USO1: variants seen among roughly 807,000 people sequenced by gnomAD.
USO1 encodes the protein USO1 vesicle transport factor.
USO1 carries 57 observed loss-of-function variants against 124.5 expected under a neutral mutation model. The observed-to-expected ratio is 0.46, with a 90% CI of 0.37 to 0.57. The LOEUF (loss-of-function observed/expected upper bound fraction) is 0.57, where lower values mean the gene tolerates loss of function less well. USO1 is among the 20% of genes least tolerant of loss of function. USO1 has a pLI of 0.00. For synonymous variants in USO1, 369 were observed against 362.8 expected (o/e 1.02, Z -0.19); for missense variants, 900 against 1,040.6 (o/e 0.86, Z 1.86).
chr4:75,761,187 C>T (rs1372834045), intron 4 of USO1, among the ~76,000 whole-genome samples: 1 of 152,026 alleles, frequency 6.6e-6, no homozygotes, highest in Non-Finnish European at 1.5e-5. Context: ...AGCTTTTTCT[C>T]TGGTAGGACA....
intron 7 of USO1, among the ~76,000 whole-genome samples, chr4:75,772,784 A>T (rs988321371): frequency 2.0e-5 from 3 of 152,128 alleles, no homozygotes; most frequent in Non-Finnish European, 4.4e-5. Flanking sequence ...TTTCAGATAT[A>T]AAAGTGCTCT....
At position 75,724,599 on chromosome 4, in the gene USO1, G is replaced by C. The variant is rs778401303; in HGVS notation, c.-221G>C. On this transcript the variant is annotated 5_prime_UTR_variant, in exon 1 of 24. Transcript: ENST00000514213. Reference sequence around the variant, plus strand: ...CTCCCCTTTTGCCTTCAACCTTCGAGCCGCCACGTAATGCCACGTCCCCGC... The same window carrying C: ...CTCCCCTTTTGCCTTCAACCTTCGACCCGCCACGTAATGCCACGTCCCCGC... The C allele has an allele frequency of 1.2e-5, 7 of 564,306 alleles. No homozygotes were observed. Among genetic ancestry groups the C allele is most frequent in the Non-Finnish European group, 2.2e-5 (7 of 316,696 alleles). 35.0% of individuals were successfully genotyped at this position (564,306 alleles called of 1,614,324 possible). A position where few individuals can be genotyped will look rare whatever the true frequency, so the allele number is the denominator to read the frequency against.
At chr4:75,781,323 A>G (rs910482711) in intron 8 of USO1, among the ~76,000 whole-genome samples, 2 of 152,178 alleles carry the variant, frequency 1.3e-5, no homozygotes, top group African/African-American at 4.8e-5. Context: ...TGGATGAGCA[A>G]AGAAGGTGGT....
At chr4:75,807,287 G>A (rs957169259) in intron 20 of USO1, among the ~76,000 whole-genome samples, 2 of 151,830 alleles carry the variant, frequency 1.3e-5, no homozygotes, top group Non-Finnish European at 2.9e-5. Context: ...CAGGTTCTGG[G>A]GTTGTTTTTC....
At chr4:75,790,077 T>C in intron 10 of USO1, 73 bp from the exon 11 acceptor site, 3 of 1,423,154 alleles carry the variant, frequency 2.1e-6, no homozygotes, top group Non-Finnish European at 2.8e-6. Flanking sequence ...AAAGATTTTT[T>C]TTCTATTGAA....
At chr4:75,762,164 C>CTTTTT (rs375866579) in intron 4 of USO1, among the ~76,000 whole-genome samples, 7 of 70,158 alleles carry the variant, frequency 1.0e-4, no homozygotes, top group Admixed American at 4.0e-4. Context: ...AACAATTTTA[C>CTTTTT]TTTTTTTTTT....
intron 4 of USO1, among the ~76,000 whole-genome samples, chr4:75,759,418 AC>A (rs1721537274): frequency 6.6e-6 from 1 of 151,118 alleles, no homozygotes; most frequent in Admixed American, 6.6e-5. Flanking sequence ...ACATGGTGAA[AC>A]CTTGTCTTTA....
chr4:75,781,756 T>G (rs1380080110), intron 8 of USO1, among the ~76,000 whole-genome samples: 2 of 103,002 alleles, frequency 1.9e-5, no homozygotes, highest in East Asian at 1.2e-3. Flanking sequence ...AAATGATGTC[T>G]TTTTAAAAAA....
chr4:75,765,278 C>A (rs1477699111), intron 4 of USO1, among the ~76,000 whole-genome samples: 5 of 152,070 alleles, frequency 3.3e-5, no homozygotes, highest in Non-Finnish European at 7.4e-5. Context: ...CATGCATTCC[C>A]AATGGGCCCT....
intron 1 of USO1, among the ~76,000 whole-genome samples, chr4:75,750,876 CA>C (rs1454089096): frequency 1.3e-5 from 2 of 152,186 alleles, no homozygotes; most frequent in Non-Finnish European, 2.9e-5. Context: ...AGAAGTTTTA[CA>C]GTTTTAGGTT....
At chr4:75,748,277 C>T (rs1012468731) in intron 1 of USO1, among the ~76,000 whole-genome samples, 30 of 149,248 alleles carry the variant, frequency 2.0e-4, no homozygotes, top group African/African-American at 7.1e-4. Flanking sequence ...CAACCTCCAC[C>T]TCCCAGGCTC....
intron 9 of USO1, among the ~76,000 whole-genome samples, chr4:75,786,021 A>G (rs985745289): frequency 1.3e-5 from 2 of 152,190 alleles, no homozygotes; most frequent in African/African-American, 2.4e-5. Flanking sequence ...TAAGCCAGAC[A>G]TGGAAACATC....
intron 4 of USO1, among the ~76,000 whole-genome samples, chr4:75,765,637 C>CT (rs11385399): frequency 0.88 from 127,951 of 144,898 alleles, 56,471 homozygotes; most frequent in African/African-American, 0.93. Context: ...GGTACCAGTT[C>CT]TTTTTTTTTT....
At chr4:75,793,222 T>G (rs1392590552) in intron 12 of USO1, among the ~76,000 whole-genome samples, 4 of 146,940 alleles carry the variant, frequency 2.7e-5, no homozygotes, top group Non-Finnish European at 4.5e-5. Context: ...TTTTTTTTTT[T>G]TTTTTTGAAG....
At chr4:75,800,529 T>TTTC in intron 15 of USO1, 60 bp downstream of exon 15, 1 of 1,524,308 alleles carries the variant, frequency 6.6e-7, no homozygotes, top group Non-Finnish European at 8.8e-7. Context: ...TTTTTTTTTT[T>TTTC]TTTTGCCAAA....
At chr4:75,758,009 T>A (rs1178924534) in intron 4 of USO1, among the ~76,000 whole-genome samples, 2 of 152,168 alleles carry the variant, frequency 1.3e-5, no homozygotes, top group Non-Finnish European at 2.9e-5. Context: ...CAACAATTTT[T>A]TAAATTTAGA....
In USO1 at chr4:75,794,479, T is replaced by A. The variant is rs75895667; in HGVS notation, c.1452+578T>A. Among the ~76,000 whole-genome samples the A allele has an allele frequency of 6.1e-3, 926 of 152,356 alleles. 3 individuals are homozygous for A. The highest frequency in any genetic ancestry group is 0.021 in the African/African-American group (880 of 41,574). ...ACTCCTAATGAGAACAACAAAGCTTTATTGAAGTGTAGTTGCTAGGCATTT... is the reference window on the plus strand; with the variant it reads ...ACTCCTAATGAGAACAACAAAGCTTAATTGAAGTGTAGTTGCTAGGCATTT... On this transcript the variant is annotated intron_variant, in intron 13 of 23. Coordinates refer to ENST00000514213, the MANE Select transcript of USO1 (RefSeq NM_003715.4).
At chr4:75,724,935 G>T (rs528710088) in intron 1 of USO1, 50 bp downstream of exon 1, 19 of 1,601,828 alleles carry the variant, frequency 1.2e-5, no homozygotes, top group Non-Finnish European at 1.6e-5. Context: ...GGGCAGGGAC[G>T]GGGACGGAGC....
At chr4:75,737,178 G>C (rs535942708) in intron 1 of USO1, among the ~76,000 whole-genome samples, 134 of 152,290 alleles carry the variant, frequency 8.8e-4, no homozygotes, top group Middle Eastern at 6.8e-3. Flanking sequence ...TTATAAATGT[G>C]GACGAGTTAC....
Sources: gnomAD v4.1 joint callset for allele counts (sites outside exome capture counted in the v4.1 genomes callset) on GRCh38, gnomAD v4.1.1 for gene constraint, MANE v1.5 for transcripts, NCBI Gene and HGNC (gene_info 2026-07-23, HGNC 2026-07-21) for gene names.